Variants in TDRD9 observed in about 807,000 individuals in gnomAD.
The protein encoded by TDRD9 is ATP-dependent RNA helicase TDRD9.
A neutral mutation model predicts 172.6 loss-of-function variants in TDRD9; 124 were observed. The observed-to-expected ratio is 0.72, with a 90% confidence interval of 0.62 to 0.83. The LOEUF is 0.83. TDRD9 is among the 40% of genes least tolerant of loss of function. The pLI is 0.00. For missense variants in TDRD9, 1,479 were observed against 1,714.1 expected, an observed-to-expected ratio of 0.86 and a Z score of 2.42; for synonymous variants, 619 against 617.1, an observed-to-expected ratio of 1.00 and a Z score of -0.05.
In TDRD9 at chr14:104,031,211, G is replaced by A. The variant is rs369729549; in HGVS notation, c.3386G>A (p.Arg1129Gln). 8.5e-5 allele frequency: 132 copies of A among 1,551,654 alleles called. No individual in the cohort carries two copies. The highest frequency in any genetic ancestry group is 1.1e-4 in the Non-Finnish European group (127 of 1,146,964). The stretch of plus-strand genomic sequence containing the variant: ...AAAGACGACGAGAAATATCTCATCC[G>A]GATTTTGTTAGAGAGCTTTTCTACC... ...PMKDDEKYLI[R>Q]ILLESFSTNK... The change falls in exon 29 of 36, where the codon CGG becomes CAG. Residue 1129 changes from arginine to glutamine, a missense_variant. Arg to Gln is a conservative substitution (Grantham distance 43). Transcript: ENST00000409874.
Position 103,934,674 on chromosome 14 carries a change from C to G in TDRD9, c.215+5950C>G, listed in dbSNP as rs541367064. Among the ~76,000 whole-genome samples the G allele has an allele frequency of 7.9e-5, 12 of 152,260 alleles. No individual in the cohort carries two copies. The East Asian group carries it at 2.3e-3, about 29-fold the overall frequency. Reference sequence around the variant, plus strand: ...GCGGGCGCCTGTAGTCCCCGCTACTCGGGAGGCTGAGGCAGGAGAATGGTG... The same window carrying G: ...GCGGGCGCCTGTAGTCCCCGCTACTGGGGAGGCTGAGGCAGGAGAATGGTG... On this transcript the variant is annotated intron_variant, in intron 1 of 35. Coordinates refer to ENST00000409874, the MANE Select transcript of TDRD9 (RefSeq NM_153046.3).
chr14:104,042,492 G>A (rs377326742), intron 34 of TDRD9, among the ~76,000 whole-genome samples: 2 of 152,094 alleles, frequency 1.3e-5, no homozygotes, highest in South Asian at 2.1e-4. Context: ...GGGGGAGTCC[G>A]GCTTGTAGGA....
intron 20 of TDRD9, among the ~76,000 whole-genome samples, chr14:104,012,252 T>C (rs762591728): frequency 1.3e-5 from 2 of 152,230 alleles, no homozygotes; most frequent in Non-Finnish European, 2.9e-5. Flanking sequence ...CAGGTCAGCA[T>C]GCATACTCTT....
At chr14:103,932,466 C>G (rs1555455716) in intron 1 of TDRD9, among the ~76,000 whole-genome samples, 1 of 151,958 alleles carries the variant, frequency 6.6e-6, no homozygotes, top group Non-Finnish European at 1.5e-5. Context: ...CGGCTCACTG[C>G]AAGCTCTGCC....
chr14:104,040,467 C>G, intron 33 of TDRD9, 133 bp downstream of exon 33: 3 of 979,152 alleles, frequency 3.1e-6, no homozygotes, highest in Non-Finnish European at 4.1e-6. Context: ...TGTGCACGTT[C>G]CTTGTCCCTC....
At chr14:103,969,364 C>T (rs374395250) in intron 5 of TDRD9, among the ~76,000 whole-genome samples, 1 of 151,986 alleles carries the variant, frequency 6.6e-6, no homozygotes, top group Non-Finnish European at 1.5e-5. Context: ...AAGAGACTGC[C>T]ACAAGCTGAG....
At chr14:103,976,650 C>G (rs2033258892) in intron 7 of TDRD9, among the ~76,000 whole-genome samples, 1 of 152,152 alleles carries the variant, frequency 6.6e-6, no homozygotes, top group Admixed American at 6.5e-5. Context: ...GTGGAGCTAT[C>G]TCTTCAGCAT....
rs556384396 is a variant in TDRD9, at chr14:103,943,413, A to T, written c.216-12251A>T. ...TTTATATATGTACATATATGTATAT[A>T]TACACATAAGTATATATACGCATAT... On this transcript the variant is annotated intron_variant, in intron 1 of 35. Transcript: ENST00000409874. Among the ~76,000 whole-genome samples the T allele has an allele frequency of 2.0e-5, 3 of 150,980 alleles. No individual in the cohort carries two copies. In the East Asian group the frequency reaches 5.8e-4, roughly 29 times the overall value.
intron 33 of TDRD9, among the ~76,000 whole-genome samples, chr14:104,041,731 C>G (rs965690641): frequency 9.2e-5 from 14 of 152,186 alleles, no homozygotes; most frequent in African/African-American, 3.4e-4. Context: ...ACCTTTTGTT[C>G]ATTGCTGGTG....
At chr14:104,016,485 C>A (rs4906403) in intron 22 of TDRD9, among the ~76,000 whole-genome samples, 1 of 152,286 alleles carries the variant, frequency 6.6e-6, no homozygotes, top group South Asian at 2.1e-4. Flanking sequence ...AGTGACCCCC[C>A]GACCTGGATG....
chr14:103,939,676 GGTTTTTTTTT>G (rs1299867272), intron 1 of TDRD9: 16 of 36,298 alleles, frequency 4.4e-4, no homozygotes, highest in Non-Finnish European at 8.2e-4. Flanking sequence ...AAGTTAGGAG[GGTTTTTTTTT>G]TTTTTTTTTT....
chr14:103,958,777 C>CT (rs2032366347), intron 2 of TDRD9, among the ~76,000 whole-genome samples: 1 of 152,202 alleles, frequency 6.6e-6, no homozygotes, highest in African/African-American at 2.4e-5. Context: ...CTTTGAACCT[C>CT]TGCTTCCAGA....
chr14:103,968,803 A>AAAAAAAAAAAAAAAAT lies in TDRD9; in HGVS notation c.766-1737_766-1736insAAAAAAAAAAAAAATA, dbSNP rs1233424017. Among the ~76,000 whole-genome samples the AAAAAAAAAAAAAAAAT allele has an allele frequency of 6.1e-5, 8 of 132,230 alleles. 1 individual carries two copies. Among genetic ancestry groups the AAAAAAAAAAAAAAAAT allele is most frequent in the Non-Finnish European group, 9.8e-5 (6 of 61,054 alleles). 86.7% of individuals were successfully genotyped at this position (132,230 alleles called of 152,430 possible). A position where few individuals can be genotyped will look rare whatever the true frequency, so the allele number is the denominator to read the frequency against. On this transcript the variant is annotated intron_variant, in intron 5 of 35. Transcript: ENST00000409874. ...AGAGTGAGACTCTGTCTCAAAAAAA[A>AAAAAAAAAAAAAAAAT]AGAATAAAGTAGCTTGGCCGGGTGC...
chr14:103,957,273 G>T (rs1264908462), intron 2 of TDRD9, among the ~76,000 whole-genome samples: 2 of 152,184 alleles, frequency 1.3e-5, no homozygotes, highest in Admixed American at 6.5e-5. Flanking sequence ...TTGGTTGTTT[G>T]CCTCCCTTTC....
chr14:103,946,953 C>T (rs913494055), intron 1 of TDRD9, among the ~76,000 whole-genome samples: 18 of 152,298 alleles, frequency 1.2e-4, no homozygotes, highest in African/African-American at 3.6e-4. Context: ...GTTAAAATGT[C>T]AGTACTACAC....
intron 7 of TDRD9, among the ~76,000 whole-genome samples, chr14:103,981,081 G>A (rs1487573812): frequency 6.6e-6 from 1 of 151,996 alleles, no homozygotes; most frequent in Non-Finnish European, 1.5e-5. Context: ...TACTGGAACA[G>A]CTCGTGCCCT....
chr14:104,052,083 G>A lies in TDRD9; in HGVS notation c.*1G>A, dbSNP rs45550534. On this transcript the variant is annotated 3_prime_UTR_variant, in exon 36 of 36. Coordinates refer to ENST00000409874, the MANE Select transcript of TDRD9 (RefSeq NM_153046.3). ...CAAACTGGTTGTGCTCGGCACCTGA[G>A]CATGTCCACAGGTGGCCTCCAGCAC... is the stretch of plus-strand genomic sequence containing the variant. 0.056 allele frequency: 87,919 copies of A among 1,564,296 alleles called. 2,843 individuals are homozygous for A. Among genetic ancestry groups the A allele is most frequent in the Middle Eastern group, 0.069 (415 of 5,998 alleles).
intron 34 of TDRD9, among the ~76,000 whole-genome samples, chr14:104,044,881 G>T (rs754856928): frequency 6.6e-6 from 1 of 152,160 alleles, no homozygotes; most frequent in African/African-American, 2.4e-5. Context: ...ATTGGCTTAC[G>T]CCTGTAATCC....
chr14:104,008,472 T>G lies in TDRD9; in HGVS notation c.2106+6T>G, dbSNP rs2034514831. ...AAATCAAGAGAATTAGAGAGGTAAGTTAAGTTTTTTGACCAAATGGATGCA... is the reference window on the plus strand; with the variant it reads ...AAATCAAGAGAATTAGAGAGGTAAGGTAAGTTTTTTGACCAAATGGATGCA... On this transcript the variant is annotated splice_donor_region_variant and intron_variant, in intron 20 of 35. Transcript: ENST00000409874. 1 of 1,549,532 alleles carries G rather than the reference T, an allele frequency of 6.5e-7. No homozygotes were observed. Among genetic ancestry groups the G allele is most frequent in the Non-Finnish European group, 8.9e-7 (1 of 1,126,268 alleles).
Sources: allele counts gnomAD v4.1 joint callset (sites outside exome capture counted in the v4.1 genomes callset), GRCh38; gene constraint gnomAD v4.1.1; transcripts MANE v1.5; gene names NCBI Gene and HGNC (gene_info 2026-07-23, HGNC 2026-07-21).